The following LAMC3 variants were observed in gnomAD, a reference collection of about 807,000 sequenced individuals.
LAMC3 encodes the protein laminin subunit gamma-3.
In LAMC3, 128 loss-of-function variants were observed where a neutral mutation model predicts 173.8. That is an observed-to-expected ratio of 0.74 (90% CI 0.64 to 0.85). The LOEUF is 0.85. Among genes scored for constraint, LAMC3 ranks in the 40% least tolerant of loss-of-function variants. The pLI is 0.00. For synonymous variants in LAMC3, 897 were observed against 909.1 expected (o/e 0.99, Z 0.24); for missense variants, 2,022 against 2,156.0 (o/e 0.94, Z 1.23).
chr9:131,090,221 T>C lies in LAMC3; in HGVS notation c.4478-1316T>C, dbSNP rs1279742327. On this transcript the variant is annotated intron_variant, in intron 27 of 27. Transcript: ENST00000361069. ...AGCCACTAGTCGACACCTAAGGCCC[T>C]GTCGTGGAGCAGACACTCTCTTCAA... Among the ~76,000 whole-genome samples the C allele has an allele frequency of 2.6e-5, 4 of 152,224 alleles. No homozygotes were observed. In the East Asian group the frequency reaches 5.8e-4, roughly 22 times the overall value.
At chr9:131,018,136 CTT>C (rs776279087) in intron 1 of LAMC3, among the ~76,000 whole-genome samples, 3 of 143,066 alleles carry the variant, frequency 2.1e-5, no homozygotes, top group African/African-American at 5.1e-5. Flanking sequence ...GCCCCAAGAT[CTT>C]TTTTTTTTTT....
chr9:131,085,564 A>G lies in LAMC3; in HGVS notation c.4071A>G (p.Ala1357=). 2 of 1,614,082 alleles carry G rather than the reference A, an allele frequency of 1.2e-6. No homozygotes were observed. The highest frequency in any genetic ancestry group is 1.7e-6 in the Non-Finnish European group (2 of 1,180,030). Residue 1357 remains alanine, a synonymous_variant, in exon 25 of 28, where the codon GCA becomes GCG. Transcript: ENST00000361069. ...LQFPRPKDQA[A]LQRKADSVSD... ...TTCCCCGGCCCAAGGACCAGGCGGC[A>G]TTGCAGAGGAAGGCAGACTCCGTCA...
intron 27 of LAMC3, among the ~76,000 whole-genome samples, chr9:131,090,712 G>A (rs550192093): frequency 6.6e-6 from 1 of 152,136 alleles, no homozygotes; most frequent in African/African-American, 2.4e-5. Context: ...CCAACATGGT[G>A]AAACCCTGTC....
At chr9:131,081,465 T>TCCCTC (rs60313626) in intron 23 of LAMC3, among the ~76,000 whole-genome samples, 16 of 113,536 alleles carry the variant, frequency 1.4e-4, no homozygotes, top group East Asian at 2.9e-4. Flanking sequence ...CTCCCTCCCT[T>TCCCTC]CCTTCCTTTC....
At chr9:131,046,516 G>GTTTT (rs1443313320) in intron 8 of LAMC3, among the ~76,000 whole-genome samples, 4 of 38,754 alleles carry the variant, frequency 1.0e-4, no homozygotes, top group African/African-American at 2.8e-4. Context: ...GCTAATTTTT[G>GTTTT]TATTTTTTTT....
chr9:131,037,482 T>C (rs1833968021), intron 4 of LAMC3, among the ~76,000 whole-genome samples: 1 of 152,134 alleles, frequency 6.6e-6, no homozygotes, highest in Non-Finnish European at 1.5e-5. Context: ...GCTCTCCCTG[T>C]TCCCAGCCCT....
At chr9:131,075,606 A>G (rs574029920) in intron 20 of LAMC3, among the ~76,000 whole-genome samples, 6 of 152,088 alleles carry the variant, frequency 3.9e-5, no homozygotes, top group Non-Finnish European at 8.8e-5. Flanking sequence ...TGTCAGGACA[A>G]CAGACACAAA....
chr9:131,062,960 A>T (rs938712425), intron 13 of LAMC3, among the ~76,000 whole-genome samples: 5 of 152,004 alleles, frequency 3.3e-5, no homozygotes, highest in Admixed American at 6.6e-5. Flanking sequence ...GTCTCTATGA[A>T]TTTGACTGCT....
intron 23 of LAMC3, among the ~76,000 whole-genome samples, 178 bp downstream of exon 23, chr9:131,079,476 C>T (rs893102612): frequency 1.3e-5 from 2 of 152,060 alleles, no homozygotes; most frequent in Admixed American, 6.6e-5. Flanking sequence ...GGGTGGATCA[C>T]GAGGTCAGGA....
intron 18 of LAMC3, 36 bp downstream of exon 18, chr9:131,071,661 A>G: frequency 6.6e-7 from 1 of 1,516,394 alleles, no homozygotes; most frequent in South Asian, 1.3e-5. Context: ...GGTGGGAGGC[A>G]AGGGGAGGCC....
intron 13 of LAMC3, among the ~76,000 whole-genome samples, chr9:131,066,201 A>C (rs993602473): frequency 5.3e-5 from 8 of 151,854 alleles, no homozygotes; most frequent in Non-Finnish European, 1.2e-4. Flanking sequence ...TCTCAAAAAA[A>C]TAAAAATAGC....
chr9:131,035,634 A>C (rs2133245561), intron 3 of LAMC3, among the ~76,000 whole-genome samples: 1 of 152,284 alleles, frequency 6.6e-6, no homozygotes. Flanking sequence ...CCATATCCGA[A>C]GTGGACTCAT....
rs550780210 is a variant in LAMC3 at position 131,092,157 on chromosome 9, GCTGTTGTGAGAGCCAC to G, written c.*375_*390del. 178 of 307,792 alleles carry G rather than the reference GCTGTTGTGAGAGCCAC, an allele frequency of 5.8e-4. 4 individuals carry two copies. The South Asian group carries it at 5.9e-3, about 10-fold the overall frequency. 19.1% of individuals were successfully genotyped at this position (307,792 alleles called of 1,614,324 possible). A position where few individuals can be genotyped will look rare whatever the true frequency, so the allele number is the denominator to read the frequency against. On this transcript the variant is annotated 3_prime_UTR_variant, in exon 28 of 28. Coordinates refer to ENST00000361069, the MANE Select transcript of LAMC3 (RefSeq NM_006059.4). ...CGGTCCACACACATTACAGTCCACA[GCTGTTGTGAGAGCCAC>G]CTGTGTGCTGGACACCCTCTGGATG...
At chr9:131,041,806 G>A in intron 7 of LAMC3, 71 bp downstream of exon 7, 2 of 1,370,660 alleles carry the variant, frequency 1.5e-6, no homozygotes, top group Non-Finnish European at 2.0e-6. Context: ...CACCAAAGCT[G>A]TGGAGTGCGG....
intron 1 of LAMC3, among the ~76,000 whole-genome samples, chr9:131,022,552 A>ATATTTATT (rs61088633): frequency 7.6e-4 from 115 of 151,348 alleles, no homozygotes; most frequent in Middle Eastern, 3.4e-3. Context: ...ATTTTAGAAT[A>ATATTTATT]TATTTATTTA....
At chr9:131,046,686 T>C (rs531986221) in intron 8 of LAMC3, among the ~76,000 whole-genome samples, 28 of 151,838 alleles carry the variant, frequency 1.8e-4, no homozygotes, top group African/African-American at 6.3e-4. Flanking sequence ...TGTGGTGGCC[T>C]ATACCGTGGT....
Position 131,041,667 on chromosome 9 carries a change from G to C in LAMC3, c.1314G>C (p.Leu438=). The C allele has an allele frequency of 6.2e-7, 1 of 1,614,094 alleles. No homozygotes were observed. The highest frequency in any genetic ancestry group is 8.5e-7 in the Non-Finnish European group (1 of 1,180,040). Residue 438 remains leucine, a synonymous_variant, in exon 7 of 28, where the codon CTG becomes CTC. Coordinates refer to ENST00000361069, the MANE Select transcript of LAMC3 (RefSeq NM_006059.4). ...GCACTTGCAATCCCGCTGGCAGCCTGGACACCTGTGACCCCCGCAGTGGGC... is the reference window on the plus strand; with the variant it reads ...GCACTTGCAATCCCGCTGGCAGCCTCGACACCTGTGACCCCCGCAGTGGGC... The part of the protein sequence containing the change: ...RPCTCNPAGS[L]DTCDPRSGRC...
chr9:131,086,571 C>G (rs1830335202), intron 25 of LAMC3, among the ~76,000 whole-genome samples: 1 of 25,324 alleles, frequency 3.9e-5, no homozygotes, highest in Non-Finnish European at 7.9e-5. Context: ...CTGTGCCTGG[C>G]TAACTTTTTT....
Position 131,071,589 on chromosome 9 carries a change from A to AT in LAMC3, c.3175_3176insT (p.Arg1059MetfsTer173). ...AGACATTCTGCTGGGAGAGGCCCCAAGGGGGGACGTCTACCAGGGCCATCA... is the reference window on the plus strand; with the variant it reads ...AGACATTCTGCTGGGAGAGGCCCCAATGGGGGGACGTCTACCAGGGCCATCA... On this transcript the variant is annotated frameshift_variant, in exon 18 of 28. Transcript: ENST00000361069. LOFTEE classifies it high-confidence loss of function. The AT allele has an allele frequency of 6.2e-7, 1 of 1,604,916 alleles. No homozygotes were observed. Among genetic ancestry groups the AT allele is most frequent in the Non-Finnish European group, 8.5e-7 (1 of 1,173,896 alleles).
Sources: gnomAD v4.1 joint callset for allele counts (sites outside exome capture counted in the v4.1 genomes callset) on GRCh38, gnomAD v4.1.1 for gene constraint, MANE v1.5 for transcripts, NCBI Gene and HGNC (gene_info 2026-07-23, HGNC 2026-07-21) for gene names.